AK5: variants seen among roughly 807,000 people sequenced by gnomAD.
AK5 encodes adenylate kinase isoenzyme 5.
Under a neutral mutation model 69.5 loss-of-function variants are expected in AK5, and 27 were observed. The ratio of observed to expected loss-of-function variants is 0.39; its 90% confidence interval spans 0.29 to 0.54. The LOEUF is 0.54. Among genes scored for constraint, AK5 ranks in the 20% least tolerant of loss-of-function variants. The pLI, the probability that AK5 is intolerant of heterozygous loss-of-function variation, is 0.71. For synonymous variants in AK5, 260 were observed against 244.4 expected, an observed-to-expected ratio of 1.06 and a Z score of -0.60; for missense variants, 531 against 700.4, an observed-to-expected ratio of 0.76 and a Z score of 2.73.
chr1:77,402,755 T>TTC (rs1319426066), intron 6 of AK5, among the ~76,000 whole-genome samples: 10 of 152,132 alleles, frequency 6.6e-5, no homozygotes, highest in African/African-American at 2.2e-4. Context: ...GCAATAAACA[T>TTC]ACGTGTGCAT....
In AK5 at chr1:77,558,744, A is replaced by G; in HGVS notation, c.*74A>G. The G allele has an allele frequency of 8.9e-7, 1 of 1,124,464 alleles. No homozygotes were observed. Among genetic ancestry groups the G allele is most frequent in the Non-Finnish European group, 1.3e-6 (1 of 742,796 alleles). The allele number at this position is 1,124,464 out of a possible 1,614,324, so 69.7% of individuals were successfully genotyped here. A position where few individuals can be genotyped will look rare whatever the true frequency, so the allele number is the denominator to read the frequency against. On this transcript the variant is annotated 3_prime_UTR_variant, in exon 14 of 14. Coordinates refer to ENST00000354567, the MANE Select transcript of AK5 (RefSeq NM_174858.3). ...GTTCATTCCTTAACACAATGTTTCA[A>G]GTTAAACCTTTTGTGTCACCGCCCC...
At chr1:77,283,501 G>A (rs761791574) in intron 1 of AK5, 49 of 985,268 alleles carry the variant, frequency 5.0e-5, no homozygotes, top group Non-Finnish European at 5.8e-5. Context: ...AAATAATTTT[G>A]CCTCAGTTTC....
chr1:77,549,644 A>C (rs1377381467), intron 13 of AK5, among the ~76,000 whole-genome samples: 1 of 152,112 alleles, frequency 6.6e-6, no homozygotes, highest in African/African-American at 2.4e-5. Flanking sequence ...ATCTGTCTCC[A>C]TGAGTTCAAT....
At chr1:77,432,175 G>T (rs61784761) in intron 8 of AK5, among the ~76,000 whole-genome samples, 16,135 of 152,012 alleles carry the variant, frequency 0.11, 994 homozygotes, top group East Asian at 0.25. Context: ...TTTTGATCAA[G>T]ATCTTTTTCT....
At chr1:77,492,221 AAATT>A (rs150613032) in intron 10 of AK5, among the ~76,000 whole-genome samples, 7,148 of 152,274 alleles carry the variant, frequency 0.047, 348 homozygotes, top group East Asian at 0.21. Flanking sequence ...TTAAGGGTAA[AAATT>A]AAATAAAATG....
intron 6 of AK5, among the ~76,000 whole-genome samples, chr1:77,367,652 T>A (rs865832178): frequency 2.5e-4 from 26 of 103,686 alleles, no homozygotes; most frequent in South Asian, 5.6e-4. Flanking sequence ...ATGTTATATA[T>A]GTTATATATA....
At chr1:77,342,174 A>G (rs1661689633) in intron 6 of AK5, among the ~76,000 whole-genome samples, 2 of 152,270 alleles carry the variant, frequency 1.3e-5, no homozygotes, top group South Asian at 4.2e-4. Context: ...CTAGGATTAC[A>G]GGCTGTTGTT....
At chr1:77,292,399 C>T (rs1163184329) in intron 2 of AK5, among the ~76,000 whole-genome samples, 2 of 152,068 alleles carry the variant, frequency 1.3e-5, no homozygotes, top group Admixed American at 6.6e-5. Flanking sequence ...TTTATTGTAT[C>T]AACAGAGAAT....
chr1:77,339,523 A>G (rs1661537995), intron 5 of AK5, among the ~76,000 whole-genome samples: 1 of 152,186 alleles, frequency 6.6e-6, no homozygotes, highest in Non-Finnish European at 1.5e-5. Flanking sequence ...GAGTTCAAAC[A>G]TTAACTTTTA....
intron 1 of AK5, chr1:77,283,169 G>A (rs1658159974): frequency 1.0e-6 from 1 of 985,520 alleles, no homozygotes; most frequent in South Asian, 4.7e-5. Context: ...GAGGAGGCTC[G>A]AGGAATGAAC....
chr1:77,345,258 G>A (rs1661856375), intron 6 of AK5, among the ~76,000 whole-genome samples: 1 of 152,196 alleles, frequency 6.6e-6, no homozygotes, highest in African/African-American at 2.4e-5. Flanking sequence ...TCAGAGGTAA[G>A]CTGTGGTCAC....
At chr1:77,485,887 C>G (rs1458856983) in intron 9 of AK5, among the ~76,000 whole-genome samples, 1 of 152,156 alleles carries the variant, frequency 6.6e-6, no homozygotes, top group Non-Finnish European at 1.5e-5. Flanking sequence ...GAGGCCAAGG[C>G]AGGTGGATCA....
At chr1:77,539,210 T>C (rs1351480070) in intron 13 of AK5, among the ~76,000 whole-genome samples, 2 of 152,240 alleles carry the variant, frequency 1.3e-5, no homozygotes, top group Non-Finnish European at 2.9e-5. Context: ...TTCGGCCTGT[T>C]GGGCCCAGAA....
intron 8 of AK5, among the ~76,000 whole-genome samples, chr1:77,424,887 AT>A (rs1651090792): frequency 6.6e-6 from 1 of 152,216 alleles, no homozygotes. Context: ...CCCTAGATTA[AT>A]GAACAACACC....
intron 9 of AK5, 120 bp downstream of exon 9, chr1:77,483,479 G>A (rs1490441335): frequency 4.8e-6 from 4 of 829,616 alleles, no homozygotes; most frequent in Non-Finnish European, 8.1e-6. Context: ...CCTTGGCCAG[G>A]GAGCATGATT....
At chr1:77,396,217 T>C (rs1385259630) in intron 6 of AK5, among the ~76,000 whole-genome samples, 1 of 152,162 alleles carries the variant, frequency 6.6e-6, no homozygotes, top group African/African-American at 2.4e-5. Flanking sequence ...ATCAAAAGCA[T>C]TTATAAGGAT....
chr1:77,420,623 A>G (rs1299719156), intron 8 of AK5, among the ~76,000 whole-genome samples: 1 of 152,234 alleles, frequency 6.6e-6, no homozygotes, highest in Non-Finnish European at 1.5e-5. Context: ...ACAAAAGTTA[A>G]CTGACTTCCC....
At chr1:77,308,395 C>T (rs938994420) in intron 5 of AK5, among the ~76,000 whole-genome samples, 2 of 143,616 alleles carry the variant, frequency 1.4e-5, no homozygotes, top group African/African-American at 2.6e-5. Context: ...GCTGAGATAG[C>T]GCCACGGCAC....
Position 77,345,876 on chromosome 1 carries a change from T to C in AK5, c.891+5308T>C, listed in dbSNP as rs546830350. Among the ~76,000 whole-genome samples the C allele has an allele frequency of 6.4e-4, 98 of 152,310 alleles. 1 individual carries two copies. The highest frequency in any genetic ancestry group is 1.2e-3 in the Admixed American group (18 of 15,294). ...CAGCTCCCATGCAACTGAAAATCCA[T>C]GTATAACTTTGAGTCCCCCCAAACA... On this transcript the variant is annotated intron_variant, in intron 6 of 13. Transcript: ENST00000354567.
Sources: gnomAD v4.1 joint callset for allele counts (sites outside exome capture counted in the v4.1 genomes callset) on GRCh38, gnomAD v4.1.1 for gene constraint, MANE v1.5 for transcripts, NCBI Gene and HGNC (gene_info 2026-07-23, HGNC 2026-07-21) for gene names.